SCRIB: variants seen among roughly 807,000 people sequenced by gnomAD.
SCRIB encodes the protein protein scribble homolog.
In SCRIB, 72 loss-of-function variants were observed where a neutral mutation model predicts 170.0. The observed-to-expected ratio is 0.42, with a 90% CI of 0.35 to 0.52. The LOEUF is 0.52. Ranked by LOEUF, SCRIB falls within the 20% of genes least tolerant of loss-of-function variation. The probability of loss-of-function intolerance (pLI) is 0.02; values close to 1 mark genes in which losing one functional copy is unlikely to be tolerated. For synonymous variants in SCRIB, 1,298 were observed against 1,044.3 expected, an observed-to-expected ratio of 1.24 and a Z score of -4.68; for missense variants, 2,475 against 2,338.5, an observed-to-expected ratio of 1.06 and a Z score of -1.20.
In SCRIB at chr8:143,811,166, C is replaced by A. The variant is rs776965777; in HGVS notation, c.1086G>T (p.Val362=). The change falls in exon 10 of 37, where the codon GTG becomes GTT. Residue 362 remains valine (V), a synonymous_variant. Coordinates refer to ENST00000356994, the MANE Select transcript of SCRIB (RefSeq NM_182706.5). ...CTCACCGGTTCCCCGCCACGTCCAG[C>A]ACGTGCAGCTCTGTCGTGTGGGCCA... ...PELAHTTELH[V]LDVAGNRLQS... The A allele has an allele frequency of 6.2e-7, 1 of 1,608,760 alleles. No individual in the cohort carries two copies. Among genetic ancestry groups the A allele is most frequent in the Admixed American group, 1.7e-5 (1 of 59,578 alleles).
intron 27 of SCRIB, 70 bp from the exon 28 acceptor site, chr8:143,794,032 G>A (rs968205112): frequency 6.1e-6 from 9 of 1,485,298 alleles, no homozygotes; most frequent in East Asian, 4.7e-5. Flanking sequence ...GGGACTGGGG[G>A]CCCTGGGGCT....
At position 143,803,754 on chromosome 8, in the gene SCRIB, T is replaced by C; in HGVS notation, c.3307A>G (p.Ile1103Val). The change falls in exon 23 of 37, where the codon ATC (isoleucine) becomes GTC (valine). Residue 1103 changes from isoleucine to valine, a missense_variant. Coordinates refer to ENST00000356994, the MANE Select transcript of SCRIB (RefSeq NM_182706.5). ...AGCCTCTCCCCAGGTGCCTTCTGGA[T>C]GCACAGTTCCCGTAGGCCCGGGGGT... ...PAPPGLRELCIQKAPGERLGI... is the reference protein window; with the variant it reads ...PAPPGLRELCVQKAPGERLGI... The C allele has an allele frequency of 1.2e-6, 2 of 1,601,188 alleles. No individual in the cohort carries two copies. The highest frequency in any genetic ancestry group is 1.1e-5 in the South Asian group (1 of 90,516).
Position 143,803,295 on chromosome 8 carries a change from C to T in SCRIB, c.3603+88G>A. 4 of 1,298,814 alleles carry T rather than the reference C, an allele frequency of 3.1e-6. No individual in the cohort carries two copies. The South Asian group carries it at 6.0e-5, about 19-fold the overall frequency. The allele number at this position is 1,298,814 out of a possible 1,614,324, so 80.5% of individuals were successfully genotyped here. A position where few individuals can be genotyped will look rare whatever the true frequency, so the allele number is the denominator to read the frequency against. On this transcript the variant is annotated intron_variant, in intron 24 of 36. Coordinates refer to ENST00000356994, the MANE Select transcript of SCRIB (RefSeq NM_182706.5). Reference sequence around the variant, plus strand: ...GCCCAGACCCAGAGGCACAGGGGACCCGTCGCCTGCCCCGAGAGGTGTCAG... The same window carrying T: ...GCCCAGACCCAGAGGCACAGGGGACTCGTCGCCTGCCCCGAGAGGTGTCAG...
In SCRIB at chr8:143,815,502, G is replaced by C; in HGVS notation, c.-130C>G. ...GCAGGGGGCGGGCCGCCCGAGACTG[G>C]ACGGGGACGCGGCCGCGGCCGGCGC... is the stretch of plus-strand genomic sequence containing the variant. On this transcript the variant is annotated 5_prime_UTR_variant, in exon 1 of 37. Coordinates refer to ENST00000356994, the MANE Select transcript of SCRIB (RefSeq NM_182706.5). 3.0e-6 allele frequency: 3 copies of C among 990,662 alleles called. No homozygotes were observed. Among genetic ancestry groups the C allele is most frequent in the African/African-American group, 1.8e-5 (1 of 56,952 alleles). The allele number at this position is 990,662 out of a possible 1,614,324, so 61.4% of individuals were successfully genotyped here. A position where few individuals can be genotyped will look rare whatever the true frequency, so the allele number is the denominator to read the frequency against.
chr8:143,795,070 C>T lies in SCRIB; in HGVS notation c.3814G>A (p.Ala1272Thr). 6.2e-7 allele frequency: 1 copy of T among 1,611,136 alleles called. No individual in the cohort carries two copies. The highest frequency in any genetic ancestry group is 8.5e-7 in the Non-Finnish European group (1 of 1,179,244). ...QPLKLDYRAL[A>T]AVPSAGSVQR... Reference sequence around the variant, plus strand: ...ACGCTGCCAGCGCTGGGCACGGCGGCCAGGGCGCGGTAGTCCAGCTTCAGG... The same window carrying T: ...ACGCTGCCAGCGCTGGGCACGGCGGTCAGGGCGCGGTAGTCCAGCTTCAGG... Residue 1272 changes from alanine (A) to threonine (T), a missense_variant, in exon 27 of 37, where the codon GCC becomes ACC. Around this residue, in one of 3 missense-constraint regions of SCRIB, gnomAD observed 1,966 missense variants for 1,742.9 expected, o/e 1.13. Coordinates refer to ENST00000356994, the MANE Select transcript of SCRIB (RefSeq NM_182706.5).
At position 143,792,524 on chromosome 8, in the gene SCRIB, T is replaced by C; in HGVS notation, c.4289A>G (p.Asp1430Gly). 6.4e-7 allele frequency: 1 copy of C among 1,555,048 alleles called. No individual in the cohort carries two copies. Among genetic ancestry groups the C allele is most frequent in the Non-Finnish European group, 8.6e-7 (1 of 1,157,082 alleles). ...CGGGCTGGCCCAGGGTGGCTGCTCA[T>C]CCTCCTGTTCCTCCTCGCCCAGCGT... is the stretch of plus-strand genomic sequence containing the variant. ...GETLGEEEQEDEQPPWASPSP... is the reference protein window; with the variant it reads ...GETLGEEEQEGEQPPWASPSP... The change falls in exon 31 of 37, where the codon GAT (aspartate) becomes GGT (glycine). Residue 1430 changes from aspartate (D) to glycine (G), a missense_variant. Coordinates refer to ENST00000356994, the MANE Select transcript of SCRIB (RefSeq NM_182706.5).
intron 24 of SCRIB, 27 bp from the exon 25 acceptor site, chr8:143,795,557 G>A (rs1554633941): frequency 1.3e-6 from 2 of 1,574,136 alleles, no homozygotes; most frequent in East Asian, 2.3e-5. Context: ...GGGCTAAGAA[G>A]GGGGGACTGC....
At chr8:143,806,783 C>T (rs1815444133) in intron 17 of SCRIB, 141 bp downstream of exon 17, 1 of 686,818 alleles carries the variant, frequency 1.5e-6, no homozygotes, top group South Asian at 1.9e-5. Context: ...TTCGGGATCC[C>T]ACAACAGTAG....
Position 143,790,989 on chromosome 8 carries a change from C to G in SCRIB, c.*174G>C. On this transcript the variant is annotated 3_prime_UTR_variant, in exon 37 of 37. Coordinates refer to ENST00000356994, the MANE Select transcript of SCRIB (RefSeq NM_182706.5). The stretch of plus-strand genomic sequence containing the variant: ...AGAGTCTTTGGTTGTACAAACATCA[C>G]TAGTTACAGTCTCGCCGAGGTCTCG... 1 of 554,804 alleles carries G rather than the reference C, an allele frequency of 1.8e-6. No individual in the cohort carries two copies. Among genetic ancestry groups the G allele is most frequent in the Non-Finnish European group, 2.8e-6 (1 of 356,986 alleles). 34.4% of individuals were successfully genotyped at this position (554,804 alleles called of 1,614,324 possible).
At chr8:143,795,936 G>T (rs1814924793) in intron 24 of SCRIB, among the ~76,000 whole-genome samples, 1 of 152,214 alleles carries the variant, frequency 6.6e-6, no homozygotes, top group Admixed American at 6.5e-5. Flanking sequence ...CGGGTGGAAA[G>T]GCTGGCTCCA....
In SCRIB at chr8:143,793,166, C is replaced by T. The variant is rs562342562; in HGVS notation, c.3910-83G>A. On this transcript the variant is annotated intron_variant, in intron 28 of 36. Transcript: ENST00000356994. ...TGCAACTCACCACCGGCTGTCCCCC[C>T]GCCTGTCCCCCCGCCTGCCTTTGAT... is the stretch of plus-strand genomic sequence containing the variant. 93 of 751,464 alleles carry T rather than the reference C, an allele frequency of 1.2e-4. No individual in the cohort carries two copies. The African/African-American group carries it at 1.5e-3, about 12-fold the overall frequency. The allele number at this position is 751,464 out of a possible 1,614,324, so 46.5% of individuals were successfully genotyped here. A position where few individuals can be genotyped will look rare whatever the true frequency, so the allele number is the denominator to read the frequency against.
In SCRIB at chr8:143,815,434, G is replaced by A; in HGVS notation, c.-62C>T. 1 of 1,201,166 alleles carries A rather than the reference G, an allele frequency of 8.3e-7. No individual in the cohort carries two copies. 74.4% of individuals were successfully genotyped at this position (1,201,166 alleles called of 1,614,324 possible). Reference sequence around the variant, plus strand: ...TCGGCGGGCTCGGGGCCGGGGGGCGGGGCTCAGTCCGCATGGGCGCCGCGC... The same window carrying A: ...TCGGCGGGCTCGGGGCCGGGGGGCGAGGCTCAGTCCGCATGGGCGCCGCGC... On this transcript the variant is annotated 5_prime_UTR_variant, in exon 1 of 37. Coordinates refer to ENST00000356994, the MANE Select transcript of SCRIB (RefSeq NM_182706.5).
Position 143,815,329 on chromosome 8 carries a change from T to C in SCRIB, c.44A>G (p.Glu15Gly). The change falls in exon 1 of 37, where the codon GAG (glutamate) becomes GGG (glycine). Residue 15 changes from glutamate (E) to glycine (G), a missense_variant. Transcript: ENST00000356994. ...CGAACAGTGCCGCTTGTCCACCGAC[T>C]CCACGTGCCGGTTGCAGCGCCACAG... The part of the protein sequence containing the change: ...IPLWRCNRHV[E>G]SVDKRHCSLQ... The C allele has an allele frequency of 6.4e-7, 1 of 1,564,128 alleles. No individual in the cohort carries two copies. Among genetic ancestry groups the C allele is most frequent in the Non-Finnish European group, 8.6e-7 (1 of 1,156,576 alleles).
At chr8:143,799,362 G>A (rs1815077631) in intron 24 of SCRIB, among the ~76,000 whole-genome samples, 1 of 152,184 alleles carries the variant, frequency 6.6e-6, no homozygotes, top group Non-Finnish European at 1.5e-5. Context: ...AGGGAGAGGT[G>A]GTCCTGACCA....
In SCRIB at chr8:143,812,862, G is replaced by A. The variant is rs757129814; in HGVS notation, c.742C>T (p.Leu248=). Residue 248 remains leucine (L), a synonymous_variant, in exon 8 of 37, where the codon CTG becomes TTG. Coordinates refer to ENST00000356994, the MANE Select transcript of SCRIB (RefSeq NM_182706.5). ...ELGGLVLLTD[L]LLSQNLLRRL... is the part of the protein sequence containing the mutation. ...CGCAGCAGGTTCTGGGACAGCAGCA[G>A]GTCAGTGAGCAGCACCAGCCCGCCG... 4 of 1,607,060 alleles carry A rather than the reference G, an allele frequency of 2.5e-6. No individual in the cohort carries two copies. Among genetic ancestry groups the A allele is most frequent in the South Asian group, 1.1e-5 (1 of 91,078 alleles).
chr8:143,807,457 G>T, intron 16 of SCRIB, 95 bp downstream of exon 16: 1 of 1,007,344 alleles, frequency 9.9e-7, no homozygotes, highest in Non-Finnish European at 1.6e-6. Flanking sequence ...AGGGATCTGC[G>T]CTCAAGCAAC....
chr8:143,806,514 C>T, intron 17 of SCRIB, 30 bp from the exon 18 acceptor site: 1 of 1,547,850 alleles, frequency 6.5e-7, no homozygotes, highest in Non-Finnish European at 8.8e-7. Context: ...TTGGCAGGGG[C>T]CAGGGAGACG....
intron 24 of SCRIB, among the ~76,000 whole-genome samples, chr8:143,800,638 G>A (rs184208691): frequency 2.6e-5 from 4 of 152,372 alleles, no homozygotes; most frequent in South Asian, 2.1e-4. Context: ...ACTTTGAGAG[G>A]CCAAGGCAGG....
At position 143,815,443 on chromosome 8, in the gene SCRIB, C is replaced by T. The variant is rs1816040023; in HGVS notation, c.-71G>A. ...TCGGGGCCGGGGGGCGGGGCTCAGTCCGCATGGGCGCCGCGCATGGGGAGG... is the reference window on the plus strand; with the variant it reads ...TCGGGGCCGGGGGGCGGGGCTCAGTTCGCATGGGCGCCGCGCATGGGGAGG... On this transcript the variant is annotated 5_prime_UTR_variant, in exon 1 of 37. Transcript: ENST00000356994. The T allele has an allele frequency of 8.6e-7, 1 of 1,168,880 alleles. No homozygotes were observed. 72.4% of individuals were successfully genotyped at this position (1,168,880 alleles called of 1,614,324 possible).
Sources: allele counts gnomAD v4.1 joint callset (sites outside exome capture counted in the v4.1 genomes callset), GRCh38; gene constraint gnomAD v4.1.1; regional missense constraint gnomAD v4.1.1; transcripts MANE v1.5; gene names NCBI Gene and HGNC (gene_info 2026-07-23, HGNC 2026-07-21).